Variants in LARS2 observed in about 807,000 individuals in gnomAD.
LARS2 encodes the protein leucine--tRNA ligase, mitochondrial.
LARS2 carries 81 observed loss-of-function variants against 116.6 expected under a neutral mutation model. The observed-to-expected ratio is 0.69, with a 90% confidence interval of 0.58 to 0.84. LARS2 has a LOEUF of 0.84. LARS2 is among the 40% of genes least tolerant of loss of function. The probability of loss-of-function intolerance (pLI) is 0.00; values close to 1 mark genes in which losing one functional copy is unlikely to be tolerated. For synonymous variants in LARS2, 396 were observed against 407.2 expected (o/e 0.97, Z 0.33); for missense variants, 968 against 1,114.5 (o/e 0.87, Z 1.87).
intron 20 of LARS2, among the ~76,000 whole-genome samples, chr3:45,535,795 T>C (rs1700697424): frequency 6.6e-6 from 1 of 151,460 alleles, no homozygotes; most frequent in Non-Finnish European, 1.5e-5. Flanking sequence ...CACACATTAG[T>C]TATTAAACTG....
chr3:45,530,462 G>C (rs963991407), intron 20 of LARS2, among the ~76,000 whole-genome samples: 2 of 152,172 alleles, frequency 1.3e-5, no homozygotes, highest in Admixed American at 6.5e-5. Context: ...AGAGGTAGCA[G>C]TGAGCCAAGA....
chr3:45,399,288 C>T (rs979039522), intron 3 of LARS2, among the ~76,000 whole-genome samples: 7 of 152,154 alleles, frequency 4.6e-5, no homozygotes, highest in Non-Finnish European at 5.9e-5. Context: ...GCTAAACCTA[C>T]GTCAGAATGC....
rs190940260 is a variant in LARS2 at position 45,493,897 on chromosome 3, C to T, written c.1523+2097C>T. ...TGTTATTCCTTTTATAAATTGAGCC[C>T]GCATTTTCTCCCTCACTTGGACCTC... On this transcript the variant is annotated intron_variant, in intron 13 of 21. Transcript: ENST00000645846. Among the ~76,000 whole-genome samples the T allele has an allele frequency of 1.4e-3, 209 of 152,140 alleles. 1 individual carries two copies. The highest frequency in any genetic ancestry group is 0.01 in the Middle Eastern group (3 of 294).
chr3:45,489,583 T>G (rs1027720411), intron 12 of LARS2, among the ~76,000 whole-genome samples: 7 of 152,148 alleles, frequency 4.6e-5, no homozygotes, highest in African/African-American at 1.7e-4. Context: ...CCTTGCCACT[T>G]AATGTCTGGT....
intron 4 of LARS2, among the ~76,000 whole-genome samples, chr3:45,402,319 T>C (rs1231175894): frequency 6.6e-6 from 1 of 152,216 alleles, no homozygotes; most frequent in African/African-American, 2.4e-5. Flanking sequence ...GAGAGCCAAC[T>C]ATGTATATCT....
chr3:45,527,136 C>T (rs1700541740), intron 20 of LARS2, among the ~76,000 whole-genome samples: 1 of 152,162 alleles, frequency 6.6e-6, no homozygotes, highest in African/African-American at 2.4e-5. Flanking sequence ...CCACCAGGAA[C>T]ACACCTTCAG....
chr3:45,477,990 C>G (rs1242217255), intron 10 of LARS2, among the ~76,000 whole-genome samples: 1 of 152,176 alleles, frequency 6.6e-6, no homozygotes, highest in African/African-American at 2.4e-5. Flanking sequence ...ATGAGCCATT[C>G]CAGTCTTAAC....
chr3:45,458,510 G>T (rs1264459832), intron 7 of LARS2, among the ~76,000 whole-genome samples: 1 of 152,134 alleles, frequency 6.6e-6, no homozygotes, highest in Non-Finnish European at 1.5e-5. Context: ...GGCCAACATA[G>T]TGAAACCCCA....
At chr3:45,448,786 T>C (rs879919243) in intron 7 of LARS2, among the ~76,000 whole-genome samples, 1 of 152,248 alleles carries the variant, frequency 6.6e-6, no homozygotes, top group Non-Finnish European at 1.5e-5. Flanking sequence ...TTAAGTGGTT[T>C]TCCCCCCTGG....
At chr3:45,455,854 G>A (rs565929076) in intron 7 of LARS2, among the ~76,000 whole-genome samples, 2 of 152,238 alleles carry the variant, frequency 1.3e-5, no homozygotes, top group Admixed American at 1.3e-4. Context: ...TGACAGGGAT[G>A]AATCTAGAAG....
chr3:45,528,445 T>G (rs1700564543), intron 20 of LARS2, among the ~76,000 whole-genome samples: 1 of 152,230 alleles, frequency 6.6e-6, no homozygotes, highest in Non-Finnish European at 1.5e-5. Context: ...TTTATAAAAT[T>G]TAAATACCCT....
Position 45,514,332 on chromosome 3 carries a change from C to A in LARS2, c.1861+1097C>A, listed in dbSNP as rs1700338750. ...TAGTGCATAATGGATGAGATTAGGT[C>A]ACACGACAACCCTGTAAATGGTAGG... is the stretch of plus-strand genomic sequence containing the variant. On this transcript the variant is annotated intron_variant, in intron 16 of 21. Transcript: ENST00000645846. Among the ~76,000 whole-genome samples, 5 of 152,212 alleles carry A rather than the reference C, an allele frequency of 3.3e-5. No individual in the cohort carries two copies. The South Asian group carries it at 6.2e-4, about 19-fold the overall frequency.
At chr3:45,402,434 C>T (rs1169160713) in intron 4 of LARS2, among the ~76,000 whole-genome samples, 4 of 152,210 alleles carry the variant, frequency 2.6e-5, no homozygotes, top group Non-Finnish European at 2.9e-5. Context: ...TGGCCTTTTC[C>T]TCCAGAGAGC....
intron 3 of LARS2, among the ~76,000 whole-genome samples, chr3:45,396,542 A>G (rs1377034915): frequency 6.6e-6 from 1 of 152,258 alleles, no homozygotes. Context: ...TGAAGCATTT[A>G]TAATCGATCT....
intron 13 of LARS2, among the ~76,000 whole-genome samples, chr3:45,493,131 G>A (rs553694932): frequency 1.3e-5 from 2 of 151,340 alleles, no homozygotes; most frequent in East Asian, 1.9e-4. Flanking sequence ...ATGGAGTCTC[G>A]CTCTGTCGCC....
chr3:45,435,733 C>T (rs1282537655), intron 6 of LARS2, among the ~76,000 whole-genome samples: 1 of 152,014 alleles, frequency 6.6e-6, no homozygotes, highest in Non-Finnish European at 1.5e-5. Flanking sequence ...GCTTACCGGG[C>T]ATTTAAAAAG....
chr3:45,496,014 G>A (rs1338439199), intron 13 of LARS2, among the ~76,000 whole-genome samples: 2 of 151,924 alleles, frequency 1.3e-5, no homozygotes, highest in African/African-American at 2.4e-5. Flanking sequence ...CACACGCCAC[G>A]ACGCCCAGCT....
intron 8 of LARS2, among the ~76,000 whole-genome samples, chr3:45,462,191 T>C (rs1419277351): frequency 2.6e-5 from 4 of 152,286 alleles, no homozygotes; most frequent in South Asian, 4.1e-4. Context: ...GGGATAGGGT[T>C]CTGGGTTGTC....
Position 45,500,429 on chromosome 3 carries a change from C to T in LARS2, c.1623-13C>T. On this transcript the variant is annotated splice_polypyrimidine_tract_variant and intron_variant, in intron 14 of 21. Coordinates refer to ENST00000645846, the MANE Select transcript of LARS2 (RefSeq NM_015340.4). ...AGCAGGTTTTTAAAAATGCCTCCAT[C>T]TCTTTTTTACAGCCCTTTTAACACA... is the stretch of plus-strand genomic sequence containing the variant. 1 of 1,595,056 alleles carries T rather than the reference C, an allele frequency of 6.3e-7. No individual in the cohort carries two copies. Among genetic ancestry groups the T allele is most frequent in the South Asian group, 1.2e-5 (1 of 86,196 alleles).
Sources: gnomAD v4.1 joint callset for allele counts (sites outside exome capture counted in the v4.1 genomes callset) on GRCh38, gnomAD v4.1.1 for gene constraint, MANE v1.5 for transcripts, NCBI Gene and HGNC (gene_info 2026-07-23, HGNC 2026-07-21) for gene names.